CNTN3: variants seen among roughly 807,000 people sequenced by gnomAD.
CNTN3 encodes contactin 3.
In CNTN3, 60 loss-of-function variants were observed where a neutral mutation model predicts 119.1. The observed-to-expected ratio is 0.50, with a 90% CI of 0.41 to 0.62. The LOEUF (loss-of-function observed/expected upper bound fraction) is 0.62. CNTN3 is among the 20% of genes least tolerant of loss of function. The pLI, the probability that CNTN3 is intolerant of heterozygous loss-of-function variation, is 0.00. For synonymous variants in CNTN3, 450 were observed against 438.7 expected (o/e 1.03, Z -0.32); for missense variants, 1,101 against 1,242.4 (o/e 0.89, Z 1.71).
At chr3:74,565,152 T>C (rs1017754138) in intron 1 of CNTN3, among the ~76,000 whole-genome samples, 1 of 152,194 alleles carries the variant, frequency 6.6e-6, no homozygotes, top group African/African-American at 2.4e-5. Context: ...TCACACTTAC[T>C]GGCTTAAAAC....
intron 1 of CNTN3, among the ~76,000 whole-genome samples, chr3:74,590,108 T>C (rs1438582131): frequency 6.6e-6 from 1 of 151,272 alleles, no homozygotes; most frequent in Non-Finnish European, 1.5e-5. Context: ...TAAAGTATAA[T>C]AATAAAAAAA....
intron 4 of CNTN3, among the ~76,000 whole-genome samples, chr3:74,476,123 C>CCT (rs1435690690): frequency 6.6e-6 from 1 of 152,046 alleles, no homozygotes; most frequent in Non-Finnish European, 1.5e-5. Flanking sequence ...GTGAGGTTGG[C>CCT]CATGAGTTCA....
chr3:74,453,042 G>C (rs1377129484), intron 4 of CNTN3, among the ~76,000 whole-genome samples: 2 of 151,686 alleles, frequency 1.3e-5, no homozygotes, highest in African/African-American at 2.4e-5. Flanking sequence ...AAATGAGTTA[G>C]GGAGGTTTCC....
intron 3 of CNTN3, among the ~76,000 whole-genome samples, chr3:74,498,502 G>A (rs1050346494): frequency 5.9e-5 from 9 of 151,838 alleles, no homozygotes; most frequent in African/African-American, 2.2e-4. Flanking sequence ...TGCTTATTTT[G>A]TTGAAGTACA....
intron 1 of CNTN3, among the ~76,000 whole-genome samples, chr3:74,530,576 G>A (rs1268412058): frequency 3.3e-5 from 5 of 151,800 alleles, no homozygotes; most frequent in South Asian, 2.1e-4. Context: ...ATGAGAGCAC[G>A]CTGGAGCCAA....
chr3:74,498,389 A>G (rs13325205), intron 3 of CNTN3, among the ~76,000 whole-genome samples: 1 of 151,876 alleles, frequency 6.6e-6, no homozygotes, highest in African/African-American at 2.4e-5. Flanking sequence ...CCTTTTATAA[A>G]TGATTTTATT....
At position 74,346,402 on chromosome 3, in the gene CNTN3, T is replaced by A. The variant is rs570973953; in HGVS notation, c.1365-9744A>T. 3.0e-4 allele frequency among the ~76,000 whole-genome samples: 45 copies of A among 152,082 alleles called. No individual in the cohort carries two copies. The South Asian group carries it at 6.0e-3, about 20-fold the overall frequency. On this transcript the variant is annotated intron_variant, in intron 11 of 22. Transcript: ENST00000263665. ...TTCCTTCTCAATTATATATATATATTTTTAGAATTTCAGACTCAAAAAGGG... is the reference window on the plus strand; with the variant it reads ...TTCCTTCTCAATTATATATATATATATTTAGAATTTCAGACTCAAAAAGGG...
chr3:74,607,981 T>C (rs1705021080), intron 1 of CNTN3, among the ~76,000 whole-genome samples: 1 of 152,210 alleles, frequency 6.6e-6, no homozygotes, highest in South Asian at 2.1e-4. Context: ...AATGTCAATT[T>C]CCTGGTTCTG....
At chr3:74,598,226 T>G (rs1002275352) in intron 1 of CNTN3, among the ~76,000 whole-genome samples, 5 of 151,966 alleles carry the variant, frequency 3.3e-5, no homozygotes, top group Non-Finnish European at 7.4e-5. Flanking sequence ...TCTCTTGGAA[T>G]ATAAGAGAAA....
rs548253579 is a variant in CNTN3, at chr3:74,475,199, G to A, written c.358+11257C>T. On this transcript the variant is annotated intron_variant, in intron 4 of 22. Coordinates refer to ENST00000263665, the MANE Select transcript of CNTN3 (RefSeq NM_020872.3). ...TCACTCACTAACATTATTTTCCTAA[G>A]CAACAGAACTGAATAAAAAATAAAA... is the stretch of plus-strand genomic sequence containing the variant. Among the ~76,000 whole-genome samples, 12 of 152,202 alleles carry A rather than the reference G, an allele frequency of 7.9e-5. No individual in the cohort carries two copies. The East Asian group carries it at 1.4e-3, about 17-fold the overall frequency.
At chr3:74,589,420 C>G (rs1704659350) in intron 1 of CNTN3, among the ~76,000 whole-genome samples, 1 of 146,356 alleles carries the variant, frequency 6.8e-6, no homozygotes, top group Non-Finnish European at 1.5e-5. Context: ...CCATCTCACA[C>G]CAGTTAGAAT....
At chr3:74,578,489 A>T (rs1048496521) in intron 1 of CNTN3, among the ~76,000 whole-genome samples, 2 of 152,066 alleles carry the variant, frequency 1.3e-5, no homozygotes, top group Non-Finnish European at 2.9e-5. Context: ...AAATATAGAC[A>T]TCTGTTCTCT....
At chr3:74,372,116 C>T (rs761714241) in intron 5 of CNTN3, among the ~76,000 whole-genome samples, 2 of 152,106 alleles carry the variant, frequency 1.3e-5, no homozygotes, top group Admixed American at 6.6e-5. Flanking sequence ...TCAACTAAAA[C>T]GCTTATCAGT....
Position 74,264,377 on chromosome 3 carries a change from A to G in CNTN3, c.*24T>C, listed in dbSNP as rs141786675. 1.1e-5 allele frequency: 15 copies of G among 1,328,960 alleles called. No homozygotes were observed. In the East Asian group the frequency reaches 3.7e-4, roughly 33 times the overall value. The allele number at this position is 1,328,960 out of a possible 1,614,324, so 82.3% of individuals were successfully genotyped here. A position where few individuals can be genotyped will look rare whatever the true frequency, so the allele number is the denominator to read the frequency against. On this transcript the variant is annotated 3_prime_UTR_variant, in exon 23 of 23. Transcript: ENST00000263665. ...TTTTTGGTAACCAAATAACTTTCCA[A>G]TAAATAATAAAAAGGAGTTAATATC...
chr3:74,433,557 A>G (rs1701818852), intron 4 of CNTN3, among the ~76,000 whole-genome samples: 1 of 152,222 alleles, frequency 6.6e-6, no homozygotes, highest in African/African-American at 2.4e-5. Context: ...TGGAAAATGC[A>G]GGCACAGGGT....
At position 74,537,018 on chromosome 3, in the gene CNTN3, G is replaced by A. The variant is rs187567547; in HGVS notation, c.-80-15826C>T. 4.7e-4 allele frequency among the ~76,000 whole-genome samples: 45 copies of A among 96,694 alleles called. No individual in the cohort carries two copies. In the East Asian group the frequency reaches 0.013, roughly 29 times the overall value. 63.4% of individuals were successfully genotyped at this position (96,694 alleles called of 152,430 possible). A position where few individuals can be genotyped will look rare whatever the true frequency, so the allele number is the denominator to read the frequency against. On this transcript the variant is annotated intron_variant, in intron 1 of 22. Transcript: ENST00000263665. ...TTAAAACACACACACACACACAGCT[G>A]GCCTAACAAAACTTGCCTGTAGACA...
At chr3:74,574,539 A>C (rs1232733174) in intron 1 of CNTN3, among the ~76,000 whole-genome samples, 1 of 152,226 alleles carries the variant, frequency 6.6e-6, no homozygotes, top group Non-Finnish European at 1.5e-5. Context: ...TTAGTTTAAT[A>C]AAACACAAAG....
Position 74,418,342 on chromosome 3 carries a change from C to CTTTTTTTTTTTTTTTTTTT in CNTN3, c.454+6502_454+6503insAAAAAAAAAAAAAAAAAAA, listed in dbSNP as rs56258495. On this transcript the variant is annotated intron_variant, in intron 5 of 22. Transcript: ENST00000263665. ...CATGTCCACTGCAGAAAACATATTCCTTTTTTTTTTTTTTTTTGAGTCAGA... is the reference window on the plus strand; with the variant it reads ...CATGTCCACTGCAGAAAACATATTCCTTTTTTTTTTTTTTTTTTTTTTTTTTTTTTTTTTTTGAGTCAGA... Among the ~76,000 whole-genome samples the CTTTTTTTTTTTTTTTTTTT allele has an allele frequency of 3.0e-5, 3 of 99,632 alleles. 1 individual carries two copies. Among genetic ancestry groups the CTTTTTTTTTTTTTTTTTTT allele is most frequent in the Admixed American group, 2.6e-4 (2 of 7,624 alleles). The allele number at this position is 99,632 out of a possible 152,430, so 65.4% of individuals were successfully genotyped here.
Position 74,285,306 on chromosome 3 carries a change from C to T in CNTN3, c.2703G>A (p.Thr901=), listed in dbSNP as rs201061027. 113 of 1,600,642 alleles carry T rather than the reference C, an allele frequency of 7.1e-5. 1 individual carries two copies. Among genetic ancestry groups the T allele is most frequent in the Middle Eastern group, 3.4e-4 (2 of 5,966 alleles). ...TCAAAGAAATCAGAATATACTTACG[C>T]GTTTTCTTGGTGGTTACATTAACTG... is the stretch of plus-strand genomic sequence containing the variant. ...SATVNVTTKK[T]PPSQPPGNVV... Residue 901 remains threonine, a splice_region_variant and synonymous_variant, in exon 20 of 23, where the codon ACG becomes ACA. Transcript: ENST00000263665.
Sources: allele counts gnomAD v4.1 joint callset (sites outside exome capture counted in the v4.1 genomes callset), GRCh38; gene constraint gnomAD v4.1.1; transcripts MANE v1.5; gene names NCBI Gene and HGNC (gene_info 2026-07-23, HGNC 2026-07-21).